The following TMEM181 variants were observed in gnomAD, a reference collection of about 807,000 sequenced individuals.
TMEM181 encodes the protein transmembrane protein 181, also known as G protein-coupled receptor 178.
Under a neutral mutation model 71.9 loss-of-function variants are expected in TMEM181, and 39 were observed. The ratio of observed to expected loss-of-function variants is 0.54; its 90% CI spans 0.42 to 0.71. The LOEUF (loss-of-function observed/expected upper bound fraction) is 0.71. TMEM181 is among the 30% of genes least tolerant of loss of function. TMEM181 has a pLI of 0.00. For missense variants in TMEM181, 595 were observed against 583.0 expected (o/e 1.02, Z -0.21); for synonymous variants, 245 against 228.8 (o/e 1.07, Z -0.64).
intron 6 of TMEM181, among the ~76,000 whole-genome samples, chr6:158,599,022 C>T (rs1197026455): frequency 1.3e-5 from 2 of 152,172 alleles, no homozygotes; most frequent in Non-Finnish European, 2.9e-5. Context: ...GCCTCCAGTC[C>T]AGGCCCTTTG....
chr6:158,592,025 G>T (rs2128306698), intron 6 of TMEM181, among the ~76,000 whole-genome samples: 1 of 152,294 alleles, frequency 6.6e-6, no homozygotes, highest in African/African-American at 2.4e-5. Context: ...CACTCACCTT[G>T]AATTACACCA....
intron 1 of TMEM181, among the ~76,000 whole-genome samples, chr6:158,570,514 T>C (rs1033182321): frequency 6.6e-6 from 1 of 152,094 alleles, no homozygotes; most frequent in Admixed American, 6.5e-5. Flanking sequence ...GTGCTGGGAT[T>C]ACAGGCATGA....
chr6:158,592,066 T>A (rs571328725), intron 6 of TMEM181, among the ~76,000 whole-genome samples: 1 of 152,316 alleles, frequency 6.6e-6, no homozygotes, highest in East Asian at 1.9e-4. Flanking sequence ...GTGGCACTCT[T>A]CAGCATCTGG....
chr6:158,600,248 C>T (rs184236683), intron 6 of TMEM181, among the ~76,000 whole-genome samples: 8 of 152,116 alleles, frequency 5.3e-5, no homozygotes, highest in South Asian at 2.1e-4. Context: ...TCACTGCAAC[C>T]GCTGCCTCCT....
intron 7 of TMEM181, among the ~76,000 whole-genome samples, chr6:158,606,815 C>A (rs1784982877): frequency 6.6e-6 from 1 of 152,210 alleles, no homozygotes; most frequent in Non-Finnish European, 1.5e-5. Flanking sequence ...GTTGCGCTGC[C>A]GGGAACATGA....
At chr6:158,541,897 T>C (rs1384994400) in intron 1 of TMEM181, among the ~76,000 whole-genome samples, 1 of 136,722 alleles carries the variant, frequency 7.3e-6, no homozygotes, top group Non-Finnish European at 1.6e-5. Flanking sequence ...TGGGATTTTA[T>C]CTTTTTTTTT....
rs984926849 is a variant in TMEM181, at chr6:158,632,282, C to G, written c.*394C>G. 4.6e-6 allele frequency: 1 copy of G among 215,896 alleles called. No homozygotes were observed. The highest frequency in any genetic ancestry group is 9.6e-6 in the Non-Finnish European group (1 of 104,220). The allele number at this position is 215,896 out of a possible 1,614,324, so 13.4% of individuals were successfully genotyped here. ...GTCCTCAGCGTGACAGCATCACCCT[C>G]TTTCTTCCCTTTTCCATGGTACTGT... On this transcript the variant is annotated 3_prime_UTR_variant, in exon 17 of 17. Transcript: ENST00000684151.
rs558978521 is a variant in TMEM181, at chr6:158,627,036, TACAC to T, written c.1109+1287_1109+1290del. Among the ~76,000 whole-genome samples, 25 of 112,120 alleles carry T rather than the reference TACAC, an allele frequency of 2.2e-4. 1 individual carries two copies. Among genetic ancestry groups the T allele is most frequent in the Admixed American group, 1.8e-3 (21 of 11,424 alleles). The allele number at this position is 112,120 out of a possible 152,430, so 73.6% of individuals were successfully genotyped here. A position where few individuals can be genotyped will look rare whatever the true frequency, so the allele number is the denominator to read the frequency against. ...ACAGCCTCTCACTCTCACACATCCT[TACAC>T]ACACCCTCATTCTCACACCCTCACA... On this transcript the variant is annotated intron_variant, in intron 13 of 16. Transcript: ENST00000684151.
chr6:158,555,354 CCAAA>C (rs1403985337), upstream of TMEM181, among the ~76,000 whole-genome samples: 2 of 152,086 alleles, frequency 1.3e-5, no homozygotes, highest in Non-Finnish European at 2.9e-5. Context: ...TTCCATTACC[CCAAA>C]CAATTATTAG....
At chr6:158,572,257 G>A (rs931805117) in intron 1 of TMEM181, 36 of 371,438 alleles carry the variant, frequency 9.7e-5, no homozygotes, top group South Asian at 2.4e-4. Flanking sequence ...ACGCAGGCCC[G>A]TGTGAGCTTT....
At chr6:158,555,027 TTA>T (rs1311846445) in intron 1 of TMEM181, among the ~76,000 whole-genome samples, 2 of 152,238 alleles carry the variant, frequency 1.3e-5, no homozygotes, top group African/African-American at 4.8e-5. Context: ...TTTTCAATGT[TTA>T]CATTTTAGCT....
intron 6 of TMEM181, among the ~76,000 whole-genome samples, chr6:158,594,914 T>C (rs2128308302): frequency 6.6e-6 from 1 of 152,340 alleles, no homozygotes; most frequent in East Asian, 1.9e-4. Context: ...CTCGAACTCC[T>C]GACCTCAGGT....
At chr6:158,626,767 TAGAG>T (rs2128329727) in intron 13 of TMEM181, 1 of 427,300 alleles carries the variant, frequency 2.3e-6, no homozygotes. Flanking sequence ...CAACCTCACA[TAGAG>T]GCTCACTCAC....
intron 1 of TMEM181, among the ~76,000 whole-genome samples, chr6:158,542,589 G>A (rs1781394000): frequency 6.6e-6 from 1 of 152,076 alleles, no homozygotes; most frequent in Admixed American, 6.6e-5. Context: ...TGCCCATACA[G>A]CAGAGTGTGG....
chr6:158,562,478 T>TC (rs1562621338), intron 1 of TMEM181, among the ~76,000 whole-genome samples: 2,177 of 116,298 alleles, frequency 0.019, 28 homozygotes, highest in East Asian at 0.06. Context: ...GTGTGTGTCT[T>TC]GCTTGGCACG....
chr6:158,581,282 C>A (rs1236857350), intron 3 of TMEM181, among the ~76,000 whole-genome samples: 3 of 152,194 alleles, frequency 2.0e-5, no homozygotes, highest in African/African-American at 7.2e-5. Context: ...TGATTCCTTG[C>A]CTCTGTAAGT....
At chr6:158,613,842 T>A (rs1314483927) in intron 10 of TMEM181, among the ~76,000 whole-genome samples, 1 of 152,232 alleles carries the variant, frequency 6.6e-6, no homozygotes, top group Non-Finnish European at 1.5e-5. Context: ...CATCTTTAAA[T>A]CCTAATATTT....
At chr6:158,597,559 G>A (rs1784447790) in intron 6 of TMEM181, among the ~76,000 whole-genome samples, 1 of 151,994 alleles carries the variant, frequency 6.6e-6, no homozygotes, top group African/African-American at 2.4e-5. Flanking sequence ...AGAGTGCAGT[G>A]GCACGATCAC....
chr6:158,543,380 G>A (rs961772534), intron 1 of TMEM181, among the ~76,000 whole-genome samples: 2 of 152,226 alleles, frequency 1.3e-5, no homozygotes, highest in African/African-American at 4.8e-5. Flanking sequence ...AACACCTGAA[G>A]CTTGAAGTGG....
Sources: gnomAD v4.1 joint callset for allele counts (sites outside exome capture counted in the v4.1 genomes callset) on GRCh38, gnomAD v4.1.1 for gene constraint, MANE v1.5 for transcripts, NCBI Gene and HGNC (gene_info 2026-07-23, HGNC 2026-07-21) for gene names.